Variants in CASK observed in about 807,000 individuals in gnomAD.
CASK encodes the protein peripheral plasma membrane protein CASK.
In CASK, 4 loss-of-function variants were observed where a neutral mutation model predicts 82.9. The observed-to-expected ratio is 0.05, with a 90% CI of 0.02 to 0.11. The LOEUF is 0.11. Ranked by LOEUF, CASK falls within the 10% of genes least tolerant of loss-of-function variation. The pLI, the probability that CASK is intolerant of heterozygous loss-of-function variation, is 1.00. For synonymous variants in CASK, 259 were observed against 253.5 expected (o/e 1.02, Z -0.20); for missense variants, 358 against 720.9 (o/e 0.50, Z 5.76).
intron 2 of CASK, among the ~76,000 whole-genome samples, chrX:41,852,581 T>C (rs1014801941): frequency 6.3e-5 from 7 of 111,592 alleles, no homozygotes; most frequent in Admixed American, 5.7e-4. Flanking sequence ...TAATAATGTA[T>C]TGAAACAAAA....
At chrX:41,915,679 AC>A (rs1244504665) in intron 1 of CASK, among the ~76,000 whole-genome samples, 3 of 108,007 alleles carry the variant, frequency 2.8e-5, no homozygotes, top group African/African-American at 1.0e-4. Context: ...GCCTGGTGAA[AC>A]CCCGTCTCTA....
At chrX:41,808,427 G>A (rs949122567) in intron 2 of CASK, among the ~76,000 whole-genome samples, 1 of 112,143 alleles carries the variant, frequency 8.9e-6, no homozygotes, top group Admixed American at 9.4e-5. Context: ...AATGGGAACT[G>A]AGACACCTCT....
At chrX:41,675,999 T>C (rs2067258983) in intron 5 of CASK, 3 of 1,208,411 alleles carry the variant, frequency 2.5e-6, no homozygotes, top group East Asian at 5.9e-5. Context: ...CCTGGTCTGA[T>C]AGGATGTGTT....
chrX:41,651,640 T>A (rs934034410), intron 8 of CASK, among the ~76,000 whole-genome samples: 8 of 111,972 alleles, frequency 7.1e-5, no homozygotes, highest in African/African-American at 2.6e-4. Flanking sequence ...AGAATCAAGA[T>A]CCACTGAAAT....
intron 6 of CASK, among the ~76,000 whole-genome samples, chrX:41,667,829 G>GA (rs1217920017): frequency 1.8e-5 from 2 of 111,521 alleles, no homozygotes; most frequent in Non-Finnish European, 3.8e-5. Context: ...TGTCATTGTA[G>GA]ATACTGATTA....
chrX:41,515,518 C>A lies in CASK; in HGVS notation c.*4902G>T, dbSNP rs181506008. 8.7e-4 allele frequency: 98 copies of A among 112,220 alleles called. No homozygotes were observed. Among genetic ancestry groups the A allele is most frequent in the African/African-American group, 3.1e-3 (95 of 30,898 alleles). The allele number at this position is 112,220 out of a possible 1,213,427, so 9.2% of individuals were successfully genotyped here. Reference sequence around the variant, plus strand: ...CTGAGTTTGAATGGCGACGTGCCTACACTGCAATTAAACACGATACTCGGG... The same window carrying A: ...CTGAGTTTGAATGGCGACGTGCCTAAACTGCAATTAAACACGATACTCGGG... On this transcript the variant is annotated 3_prime_UTR_variant, in exon 27 of 27. Transcript: ENST00000378163.
chrX:41,523,838 C>G, intron 26 of CASK, 113 bp downstream of exon 26: 2 of 591,945 alleles, frequency 3.4e-6, no homozygotes, highest in Non-Finnish European at 5.7e-6. Context: ...ATTCCACATC[C>G]CATTTCATCA....
intron 8 of CASK, among the ~76,000 whole-genome samples, chrX:41,654,925 T>C (rs2066913614): frequency 1.8e-5 from 2 of 108,300 alleles, no homozygotes. Flanking sequence ...GGTTAATCAA[T>C]ACAAAGACTG....
intron 3 of CASK, among the ~76,000 whole-genome samples, chrX:41,762,761 C>T (rs1457343427): frequency 9.0e-6 from 1 of 111,716 alleles, no homozygotes; most frequent in Non-Finnish European, 1.9e-5. Flanking sequence ...TCATCTTGCA[C>T]CTTGTTCCAA....
chrX:41,915,414 C>T (rs554026994), intron 1 of CASK, among the ~76,000 whole-genome samples: 14 of 112,211 alleles, frequency 1.2e-4, no homozygotes, highest in Non-Finnish European at 1.3e-4. Context: ...CATGAAAAAT[C>T]AATATTTCAG....
chrX:41,671,271 T>C (rs1284942893), intron 6 of CASK, among the ~76,000 whole-genome samples, 157 bp downstream of exon 6: 1 of 112,279 alleles, frequency 8.9e-6, no homozygotes, highest in Non-Finnish European at 1.9e-5. Flanking sequence ...TACAGAGTTA[T>C]TAAATTAAAA....
At chrX:41,784,413 A>C (rs759942530) in intron 3 of CASK, among the ~76,000 whole-genome samples, 1 of 112,292 alleles carries the variant, frequency 8.9e-6, no homozygotes, top group African/African-American at 3.2e-5. Context: ...TCCATTTAAC[A>C]CTTTAATTTT....
chrX:41,727,479 T>G, intron 5 of CASK: 1 of 1,210,142 alleles, frequency 8.3e-7, no homozygotes. Context: ...AGCCCAACTT[T>G]GCTAGAAAAC....
intron 11 of CASK, among the ~76,000 whole-genome samples, chrX:41,613,008 G>C (rs1399662183): frequency 1.0e-5 from 1 of 97,616 alleles, no homozygotes; most frequent in African/African-American, 3.8e-5. Flanking sequence ...GGAGGGAGGT[G>C]GGGGGGTCAG....
At chrX:41,643,524 T>A (rs2066698589) in intron 8 of CASK, among the ~76,000 whole-genome samples, 1 of 111,732 alleles carries the variant, frequency 8.9e-6, no homozygotes, top group African/African-American at 3.3e-5. Flanking sequence ...TATTTTATTC[T>A]CTTTGAAGCA....
intron 11 of CASK, among the ~76,000 whole-genome samples, chrX:41,611,987 T>C (rs1186743429): frequency 8.9e-6 from 1 of 112,406 alleles, no homozygotes; most frequent in Non-Finnish European, 1.9e-5. Context: ...AGATGGAGTC[T>C]GGTTCACTCA....
chrX:41,648,242 C>A (rs1368401790), intron 8 of CASK, among the ~76,000 whole-genome samples: 1 of 111,284 alleles, frequency 9.0e-6, no homozygotes, highest in African/African-American at 3.3e-5. Flanking sequence ...TCTCCCATAG[C>A]ACTCCCAGGC....
intron 1 of CASK, among the ~76,000 whole-genome samples, chrX:41,900,402 G>T (rs1163610076): frequency 9.1e-6 from 1 of 110,112 alleles, no homozygotes; most frequent in Non-Finnish European, 1.9e-5. Context: ...TTTGTTTGAT[G>T]GTACCTCATA....
chrX:41,783,545 T>C (rs1287303731), intron 3 of CASK, among the ~76,000 whole-genome samples: 1 of 97,830 alleles, frequency 1.0e-5, no homozygotes, highest in African/African-American at 4.0e-5. Flanking sequence ...CAAGACTCTG[T>C]CTCAAAAAAA....
Sources: allele counts gnomAD v4.1 joint callset (sites outside exome capture counted in the v4.1 genomes callset), GRCh38; gene constraint gnomAD v4.1.1; transcripts MANE v1.5; gene names NCBI Gene and HGNC (gene_info 2026-07-23, HGNC 2026-07-21).